The following SLC14A2 variants were observed in gnomAD, a reference collection of about 807,000 sequenced individuals.
SLC14A2 encodes solute carrier family 14 member 2.
In SLC14A2, 91 loss-of-function variants were observed where a neutral mutation model predicts 104.6. That is an observed-to-expected ratio of 0.87 (90% CI 0.73 to 1.04). SLC14A2 has a LOEUF of 1.04. Ranked by LOEUF, SLC14A2 falls within the 50% of genes least tolerant of loss-of-function variation. SLC14A2 has a pLI of 0.00. For missense variants in SLC14A2, 1,189 were observed against 1,156.0 expected, an observed-to-expected ratio of 1.03 and a Z score of -0.41; for synonymous variants, 476 against 466.4, an observed-to-expected ratio of 1.02 and a Z score of -0.27.
chr18:45,632,527 C>A, intron 5 of SLC14A2, 49 bp downstream of exon 5: 1 of 1,600,334 alleles, frequency 6.2e-7, no homozygotes, highest in Non-Finnish European at 8.5e-7. Flanking sequence ...GCCCCCAAGA[C>A]ACTTGTGTCT....
chr18:45,593,486 CTT>C lies in SLC14A2; in HGVS notation c.-34-31125_-34-31124del, dbSNP rs1172271684. 5.0e-3 allele frequency among the ~76,000 whole-genome samples: 448 copies of C among 88,770 alleles called. 1 individual carries two copies. Among genetic ancestry groups the C allele is most frequent in the African/African-American group, 0.02 (418 of 21,378 alleles). 58.2% of individuals were successfully genotyped at this position (88,770 alleles called of 152,430 possible). A position where few individuals can be genotyped will look rare whatever the true frequency, so the allele number is the denominator to read the frequency against. On this transcript the variant is annotated intron_variant, in intron 2 of 20. Transcript: ENST00000586448. ...TATGATAACTAAGCATTTCCTTAAT[CTT>C]TTTTTTTTTTTTTTTTTTTGAGACG...
intron 2 of SLC14A2, among the ~76,000 whole-genome samples, chr18:45,509,035 T>C (rs1206676755): frequency 1.3e-5 from 2 of 152,158 alleles, no homozygotes; most frequent in Non-Finnish European, 2.9e-5. Context: ...ACTCAGGGAC[T>C]TCAGATGGTC....
At chr18:45,582,651 T>A (rs1383273648) in intron 2 of SLC14A2, among the ~76,000 whole-genome samples, 1 of 152,200 alleles carries the variant, frequency 6.6e-6, no homozygotes, top group Non-Finnish European at 1.5e-5. Context: ...GAGGGGATGA[T>A]GTTCCTGGGT....
intron 1 of SLC14A2, among the ~76,000 whole-genome samples, chr18:45,375,075 C>T (rs1449722853): frequency 6.6e-6 from 1 of 152,218 alleles, no homozygotes; most frequent in Admixed American, 6.5e-5. Context: ...CTCCATCTTG[C>T]TTCTAACCTT....
intron 1 of SLC14A2, among the ~76,000 whole-genome samples, chr18:45,428,771 C>T (rs1347587381): frequency 6.6e-6 from 1 of 152,124 alleles, no homozygotes; most frequent in Admixed American, 6.6e-5. Flanking sequence ...CACTTACTAC[C>T]CAAGACAAAA....
chr18:45,170,915 T>G, the SLC14A2 span, among the ~76,000 whole-genome samples: 1 of 152,142 alleles, frequency 6.6e-6, no homozygotes, highest in African/African-American at 2.4e-5. Context: ...TAGGAGAAGA[T>G]GCAAAATGTG....
At chr18:45,336,029 C>G (rs1435624195) in intron 1 of SLC14A2, among the ~76,000 whole-genome samples, 1 of 152,124 alleles carries the variant, frequency 6.6e-6, no homozygotes, top group Non-Finnish European at 1.5e-5. Context: ...GAGGCTGTAA[C>G]TTTGGAAAAC....
intron 1 of SLC14A2, among the ~76,000 whole-genome samples, chr18:45,331,542 T>A (rs1392868820): frequency 1.3e-5 from 2 of 151,128 alleles, no homozygotes; most frequent in African/African-American, 4.9e-5. Context: ...TAAAAAAAAA[T>A]TAGCCGGGCG....
chr18:45,508,702 A>G (rs887966227), intron 2 of SLC14A2, among the ~76,000 whole-genome samples: 17 of 152,124 alleles, frequency 1.1e-4, no homozygotes, highest in Non-Finnish European at 1.8e-4. Context: ...TAGATGGGTC[A>G]CCCAATCTTC....
intron 2 of SLC14A2, among the ~76,000 whole-genome samples, chr18:45,492,567 A>G (rs766405776): frequency 2.7e-4 from 41 of 152,192 alleles, no homozygotes; most frequent in Non-Finnish European, 4.7e-4. Flanking sequence ...CTCAGTCCAC[A>G]TGTAGTGATT....
At chr18:45,517,807 C>A (rs1272518378) in intron 2 of SLC14A2, among the ~76,000 whole-genome samples, 1 of 152,134 alleles carries the variant, frequency 6.6e-6, no homozygotes. Flanking sequence ...ATCTCTCTTT[C>A]CCTGGGAGAA....
chr18:45,447,401 A>G (rs2086788542), intron 1 of SLC14A2: 1 of 152,176 alleles, frequency 6.6e-6, no homozygotes, highest in Non-Finnish European at 1.5e-5. Context: ...ATACAAAACA[A>G]TTCAGTGCAC....
intron 1 of SLC14A2, among the ~76,000 whole-genome samples, chr18:45,317,128 A>G (rs894787516): frequency 6.6e-6 from 1 of 152,214 alleles, no homozygotes; most frequent in Non-Finnish European, 1.5e-5. Flanking sequence ...TGGTGTTGAT[A>G]TTAAAACCAC....
chr18:45,571,954 A>G (rs2044352842), intron 2 of SLC14A2, among the ~76,000 whole-genome samples: 1 of 152,158 alleles, frequency 6.6e-6, no homozygotes, highest in Non-Finnish European at 1.5e-5. Context: ...TGCACATTAG[A>G]TCCACCTGGG....
intron 4 of SLC14A2, among the ~76,000 whole-genome samples, chr18:45,631,774 A>G (rs1043038090): frequency 7.2e-5 from 11 of 152,168 alleles, no homozygotes; most frequent in Admixed American, 4.6e-4. Context: ...GGCATGCACT[A>G]TCACGCCTGG....
the SLC14A2 span, among the ~76,000 whole-genome samples, chr18:45,195,708 T>C: frequency 0.01 from 1,524 of 152,234 alleles, 29 homozygotes; most frequent in African/African-American, 0.034. Context: ...GAAATTCTTA[T>C]CTGGCATGCG....
chr18:45,583,016 T>A (rs16978414), intron 2 of SLC14A2, among the ~76,000 whole-genome samples: 3,027 of 152,308 alleles, frequency 0.02, 101 homozygotes, highest in African/African-American at 0.068. Context: ...TCCTGATCCT[T>A]GGGACATGAG....
chr18:45,384,759 CTG>C (rs1265399895), intron 1 of SLC14A2, among the ~76,000 whole-genome samples: 10 of 152,096 alleles, frequency 6.6e-5, no homozygotes, highest in Non-Finnish European at 1.5e-5. Context: ...CACAAAAAAA[CTG>C]AGGACCCAGG....
At position 45,637,036 on chromosome 18, in the gene SLC14A2, C is replaced by T. The variant is rs2045427692; in HGVS notation, c.697C>T (p.Leu233Phe). 5 of 1,614,064 alleles carry T rather than the reference C, an allele frequency of 3.1e-6. No individual in the cohort carries two copies. The highest frequency in any genetic ancestry group is 4.5e-5 in the East Asian group (2 of 44,904). ...ALNSIFSKWD[L>F]PVFTLPFNIA... The stretch of plus-strand genomic sequence containing the variant: ...GAATTCCATCTTCAGCAAGTGGGAC[C>T]TCCCGGTCTTCACTCTGCCCTTCAA... Residue 233 changes from leucine (L) to phenylalanine (F), a missense_variant, in exon 6 of 20, where the codon CTC becomes TTC. Coordinates refer to ENST00000255226, the MANE Select transcript of SLC14A2 (RefSeq NM_007163.4).
Sources: allele counts gnomAD v4.1 joint callset (sites outside exome capture counted in the v4.1 genomes callset), GRCh38; gene constraint gnomAD v4.1.1; transcripts MANE v1.5; gene names NCBI Gene and HGNC (gene_info 2026-07-23, HGNC 2026-07-21).